Variants in DYM observed in about 807,000 individuals in gnomAD.
The protein encoded by DYM is dyggve-Melchior-Clausen syndrome protein.
Under a neutral mutation model 93.1 loss-of-function variants are expected in DYM, and 78 were observed. That is an observed-to-expected ratio of 0.84 (90% CI 0.70 to 1.01). The LOEUF is 1.01. Ranked by LOEUF, DYM falls within the 50% of genes least tolerant of loss-of-function variation. The pLI is 0.00. For missense variants in DYM, 789 were observed against 845.0 expected, an observed-to-expected ratio of 0.93 and a Z score of 0.82; for synonymous variants, 321 against 319.7, an observed-to-expected ratio of 1.00 and a Z score of -0.04.
Position 49,354,294 on chromosome 18 carries a change from A to G in DYM, c.494+8867T>C, listed in dbSNP as rs370382879. The stretch of plus-strand genomic sequence containing the variant: ...GATAAAATAGGAGAAAATCCAAATG[A>G]CCTTGGGTATGGTGATGACTTTTTG... On this transcript the variant is annotated intron_variant, in intron 6 of 17. Coordinates refer to ENST00000675505, the MANE Select transcript of DYM (RefSeq NM_001353214.3). 1.3e-4 allele frequency among the ~76,000 whole-genome samples: 20 copies of G among 152,202 alleles called. No individual in the cohort carries two copies. In the South Asian group the frequency reaches 4.1e-3, roughly 32 times the overall value.
intron 1 of DYM, among the ~76,000 whole-genome samples, chr18:49,435,991 T>G (rs1224251105): frequency 6.6e-6 from 1 of 152,202 alleles, no homozygotes; most frequent in African/African-American, 2.4e-5. Flanking sequence ...GTTCTTTCAC[T>G]TAGACTAGTT....
chr18:49,289,766 TA>T (rs1825599273), intron 8 of DYM, among the ~76,000 whole-genome samples: 1 of 48,662 alleles, frequency 2.1e-5, no homozygotes, highest in African/African-American at 8.2e-5. Context: ...TATATATATA[TA>T]TATATACACA....
intron 8 of DYM, among the ~76,000 whole-genome samples, chr18:49,330,967 C>A (rs932427704): frequency 2.0e-5 from 3 of 152,210 alleles, no homozygotes; most frequent in Non-Finnish European, 4.4e-5. Context: ...AAGTCTACTG[C>A]TTTTTGAAGA....
Position 49,062,349 on chromosome 18 carries a change from G to A in DYM, c.2026-18145C>T, listed in dbSNP as rs116528959. On this transcript the variant is annotated intron_variant, in intron 17 of 17. Transcript: ENST00000675505. ...GATTAACTTTCTGATCACAGTCTAGGAAGCACACTCTTATCTAGCCCAGCT... is the reference window on the plus strand; with the variant it reads ...GATTAACTTTCTGATCACAGTCTAGAAAGCACACTCTTATCTAGCCCAGCT... 7.4e-3 allele frequency among the ~76,000 whole-genome samples: 1,125 copies of A among 152,290 alleles called. 14 individuals are homozygous for A. Among genetic ancestry groups the A allele is most frequent in the African/African-American group, 0.025 (1,051 of 41,552 alleles).
At chr18:49,068,222 G>C (rs1447272266) in intron 17 of DYM, among the ~76,000 whole-genome samples, 1 of 152,192 alleles carries the variant, frequency 6.6e-6, no homozygotes, top group South Asian at 2.1e-4. Context: ...GTGCAGTCAG[G>C]AAGTCCAGGA....
At position 49,215,968 on chromosome 18, in the gene DYM, G is replaced by A. The variant is rs530810969; in HGVS notation, c.1461-6253C>T. Reference sequence around the variant, plus strand: ...CGAGGCATTGCCTCACTCGGGAAGCGCAAGGGGTCAGGGAGTTCCCTTTCC... The same window carrying A: ...CGAGGCATTGCCTCACTCGGGAAGCACAAGGGGTCAGGGAGTTCCCTTTCC... On this transcript the variant is annotated intron_variant, in intron 13 of 17. Transcript: ENST00000675505. Among the ~76,000 whole-genome samples, 933 of 105,222 alleles carry A rather than the reference G, an allele frequency of 8.9e-3. 7 individuals are homozygous for A. The highest frequency in any genetic ancestry group is 0.016 in the Non-Finnish European group (745 of 47,312). The allele number at this position is 105,222 out of a possible 152,430, so 69.0% of individuals were successfully genotyped here. A position where few individuals can be genotyped will look rare whatever the true frequency, so the allele number is the denominator to read the frequency against.
At chr18:49,059,435 C>A (rs2075768259) in intron 17 of DYM, among the ~76,000 whole-genome samples, 1 of 152,198 alleles carries the variant, frequency 6.6e-6, no homozygotes, top group African/African-American at 2.4e-5. Context: ...TTAATATTTA[C>A]ATTATAACTG....
At chr18:49,108,309 C>T (rs1205068225) in intron 16 of DYM, among the ~76,000 whole-genome samples, 3 of 152,236 alleles carry the variant, frequency 2.0e-5, no homozygotes, top group East Asian at 1.9e-4. Flanking sequence ...TCTGTCACCC[C>T]TTTCTTTGAC....
intron 16 of DYM, among the ~76,000 whole-genome samples, chr18:49,113,206 G>C (rs1435335439): frequency 6.6e-6 from 1 of 152,144 alleles, no homozygotes; most frequent in African/African-American, 2.4e-5. Flanking sequence ...AAATACACAA[G>C]ATCTAATGTC....
rs1322085645 is a variant in DYM at position 49,136,120 on chromosome 18, C to T, written c.1729-17194G>A. Reference sequence around the variant, plus strand: ...AGGTTGCCATGGAAACTCCCTGTGGCCCAGCCACTGCCATTCAAGAACTTT... The same window carrying T: ...AGGTTGCCATGGAAACTCCCTGTGGTCCAGCCACTGCCATTCAAGAACTTT... On this transcript the variant is annotated intron_variant, in intron 15 of 17. Coordinates refer to ENST00000675505, the MANE Select transcript of DYM (RefSeq NM_001353214.3). Among the ~76,000 whole-genome samples the T allele has an allele frequency of 2.6e-5, 4 of 152,250 alleles. No individual in the cohort carries two copies. The East Asian group carries it at 7.7e-4, about 29-fold the overall frequency.
chr18:49,178,615 C>A (rs2089625401), intron 14 of DYM, among the ~76,000 whole-genome samples: 2 of 152,080 alleles, frequency 1.3e-5, no homozygotes, highest in South Asian at 4.1e-4. Flanking sequence ...CCAGTTATTT[C>A]AATATCAACA....
At chr18:49,340,386 T>C (rs1233627065) in intron 6 of DYM, among the ~76,000 whole-genome samples, 1 of 152,130 alleles carries the variant, frequency 6.6e-6, no homozygotes, top group African/African-American at 2.4e-5. Flanking sequence ...TTACATACAT[T>C]AAAAATACAT....
intron 11 of DYM, among the ~76,000 whole-genome samples, chr18:49,261,013 CAG>C (rs1194484413): frequency 1.3e-5 from 2 of 151,974 alleles, no homozygotes; most frequent in Non-Finnish European, 2.9e-5. Flanking sequence ...ATCAGGAAAA[CAG>C]AATTAAATCT....
intron 6 of DYM, among the ~76,000 whole-genome samples, chr18:49,355,263 A>G (rs905999240): frequency 6.6e-6 from 1 of 151,986 alleles, no homozygotes; most frequent in Non-Finnish European, 1.5e-5. Flanking sequence ...ATAGATATCA[A>G]TAGATATAGA....
chr18:49,428,411 G>A (rs886076263), intron 2 of DYM, among the ~76,000 whole-genome samples: 5 of 152,120 alleles, frequency 3.3e-5, no homozygotes, highest in East Asian at 3.9e-4. Context: ...GTGGCTGGAC[G>A]CAGTGTCTCA....
At chr18:49,438,033 A>T (rs142559552) in intron 1 of DYM, among the ~76,000 whole-genome samples, 1 of 152,326 alleles carries the variant, frequency 6.6e-6, no homozygotes, top group African/African-American at 2.4e-5. Flanking sequence ...CAAAAAATTT[A>T]AAAACTAGCT....
Position 49,041,040 on chromosome 18 carries a change from G to C in DYM, c.*3015C>G, listed in dbSNP as rs1309722142. 6.6e-6 allele frequency among the ~76,000 whole-genome samples: 1 copy of C among 152,178 alleles called. No individual in the cohort carries two copies. The highest frequency in any genetic ancestry group is 2.4e-5 in the African/African-American group (1 of 41,456). ...CCTTCCAGAGAGAACTGTGTGTGCA[G>C]TGTACTTTCTATGCTTCACCTTCAG... On this transcript the variant is annotated 3_prime_UTR_variant, in exon 18 of 18. Coordinates refer to ENST00000675505, the MANE Select transcript of DYM (RefSeq NM_001353214.3).
intron 17 of DYM, among the ~76,000 whole-genome samples, chr18:49,082,664 G>A (rs2078161370): frequency 6.6e-6 from 1 of 152,206 alleles, no homozygotes; most frequent in South Asian, 2.1e-4. Flanking sequence ...CTTGGAGAGA[G>A]GGTTTTGGCA....
At chr18:49,190,248 A>G (rs975470001) in intron 14 of DYM, among the ~76,000 whole-genome samples, 9 of 152,276 alleles carry the variant, frequency 5.9e-5, no homozygotes, top group African/African-American at 2.2e-4. Flanking sequence ...ACACACAGAA[A>G]TAAATTTTCC....
Sources: gnomAD v4.1 joint callset for allele counts (sites outside exome capture counted in the v4.1 genomes callset) on GRCh38, gnomAD v4.1.1 for gene constraint, MANE v1.5 for transcripts, NCBI Gene and HGNC (gene_info 2026-07-23, HGNC 2026-07-21) for gene names.